The following CPNE8 variants were observed in gnomAD, a reference collection of about 807,000 sequenced individuals.
CPNE8 encodes copine 8.
Under a neutral mutation model 81.5 loss-of-function variants are expected in CPNE8, and 45 were observed. That is an observed-to-expected ratio of 0.55 (90% CI 0.44 to 0.71). The LOEUF is 0.71. Ranked by LOEUF, CPNE8 falls within the 30% of genes least tolerant of loss-of-function variation. CPNE8 has a pLI of 0.00. For synonymous variants in CPNE8, 252 were observed against 226.3 expected, an observed-to-expected ratio of 1.11 and a Z score of -1.02; for missense variants, 594 against 672.1, an observed-to-expected ratio of 0.88 and a Z score of 1.28.
At chr12:38,767,607 A>G (rs778220683) in intron 8 of CPNE8, 28 bp downstream of exon 8, 2 of 1,280,484 alleles carry the variant, frequency 1.6e-6, no homozygotes, top group Non-Finnish European at 2.2e-6. Context: ...ATTACCATAT[A>G]GTTGAAATGC....
At chr12:38,808,864 A>G (rs1418924057) in intron 6 of CPNE8, among the ~76,000 whole-genome samples, 1 of 152,074 alleles carries the variant, frequency 6.6e-6, no homozygotes, top group Non-Finnish European at 1.5e-5. Flanking sequence ...ATAAACAAAT[A>G]TTTTATAGAA....
intron 10 of CPNE8, among the ~76,000 whole-genome samples, chr12:38,752,455 G>C (rs1052290549): frequency 6.6e-6 from 1 of 152,062 alleles, no homozygotes; most frequent in African/African-American, 2.4e-5. Context: ...TGGACTCCCT[G>C]GGCCACCCCA....
At chr12:38,837,429 C>T (rs1018833850) in intron 5 of CPNE8, among the ~76,000 whole-genome samples, 3 of 152,090 alleles carry the variant, frequency 2.0e-5, no homozygotes, top group East Asian at 1.9e-4. Flanking sequence ...GCAATTGAAA[C>T]TTGCATTTGC....
chr12:38,808,729 T>C (rs1248261712), intron 6 of CPNE8, among the ~76,000 whole-genome samples: 2 of 151,392 alleles, frequency 1.3e-5, no homozygotes, highest in African/African-American at 4.9e-5. Context: ...ATTGTGCACA[T>C]GTACCCTAAA....
chr12:38,891,983 A>G (rs1361404851), intron 1 of CPNE8, among the ~76,000 whole-genome samples: 1 of 152,238 alleles, frequency 6.6e-6, no homozygotes, highest in Non-Finnish European at 1.5e-5. Flanking sequence ...TCAAAATAAA[A>G]CAAAAAGAAT....
chr12:38,699,946 T>C (rs992368352), intron 14 of CPNE8, among the ~76,000 whole-genome samples: 1 of 152,174 alleles, frequency 6.6e-6, no homozygotes, highest in Non-Finnish European at 1.5e-5. Flanking sequence ...ACTTATTTAT[T>C]GGTTATAGTA....
chr12:38,783,275 T>A (rs1270788487), intron 6 of CPNE8, among the ~76,000 whole-genome samples: 1 of 152,106 alleles, frequency 6.6e-6, no homozygotes, highest in African/African-American at 2.4e-5. Context: ...TTAACAACTA[T>A]CTATACACAC....
Position 38,659,614 on chromosome 12 carries a change from G to A in CPNE8, c.1507-5544C>T, listed in dbSNP as rs143233902. ...TACACATTCTTCTCAGCACCACATC[G>A]CACGTATTCCAAAATTGACCACAGA... On this transcript the variant is annotated intron_variant, in intron 19 of 19. Transcript: ENST00000331366. 8.4e-3 allele frequency among the ~76,000 whole-genome samples: 1,280 copies of A among 152,138 alleles called. 14 individuals carry two copies. Among genetic ancestry groups the A allele is most frequent in the African/African-American group, 0.022 (930 of 41,502 alleles).
chr12:38,798,811 A>G (rs956415335), intron 6 of CPNE8, among the ~76,000 whole-genome samples: 18 of 152,304 alleles, frequency 1.2e-4, no homozygotes, highest in Admixed American at 5.9e-4. Flanking sequence ...CCTATCTCAC[A>G]TGCAGAGACA....
rs1941125915 is a variant in CPNE8, at chr12:38,742,297, G to A, written c.723-11939C>T. 2.6e-5 allele frequency among the ~76,000 whole-genome samples: 4 copies of A among 152,100 alleles called. No homozygotes were observed. In the South Asian group the frequency reaches 8.3e-4, roughly 32 times the overall value. On this transcript the variant is annotated intron_variant, in intron 10 of 19. Coordinates refer to ENST00000331366, the MANE Select transcript of CPNE8 (RefSeq NM_153634.3). The stretch of plus-strand genomic sequence containing the variant: ...CCAACCCAAATGTCCATCAATGATA[G>A]ACTGGATTAAGAAAATGTGGCACAT...
chr12:38,752,471 C>T (rs1302896461), intron 10 of CPNE8, among the ~76,000 whole-genome samples: 1 of 152,156 alleles, frequency 6.6e-6, no homozygotes, highest in African/African-American at 2.4e-5. Flanking sequence ...CCCCATAATT[C>T]AGCAATTAAA....
At chr12:38,702,950 A>G (rs1485554620) in intron 13 of CPNE8, 29 bp from the exon 14 acceptor site, 2 of 1,431,496 alleles carry the variant, frequency 1.4e-6, no homozygotes, top group Non-Finnish European at 1.9e-6. Context: ...AGACTCATTA[A>G]TAATGAAATA....
chr12:38,898,399 G>A (rs1400678557), intron 1 of CPNE8, among the ~76,000 whole-genome samples: 2 of 151,962 alleles, frequency 1.3e-5, no homozygotes, highest in Non-Finnish European at 2.9e-5. Flanking sequence ...TGAAACTCTG[G>A]GGCTAAGACA....
intron 9 of CPNE8, among the ~76,000 whole-genome samples, chr12:38,761,636 C>A (rs1055739579): frequency 6.6e-6 from 1 of 152,078 alleles, no homozygotes; most frequent in Admixed American, 6.6e-5. Flanking sequence ...TATAATCATA[C>A]AATAAAGTTT....
rs1040702668 is a variant in CPNE8 at position 38,728,467 on chromosome 12, G to A, written c.798+1816C>T. Among the ~76,000 whole-genome samples, 8 of 152,216 alleles carry A rather than the reference G, an allele frequency of 5.3e-5. No individual in the cohort carries two copies. The East Asian group carries it at 5.8e-4, about 11-fold the overall frequency. ...AATGAAAAATTCACCAGAAGGGTTC[G>A]ACGGAACATTTGAGCTGGCAGAAGA... On this transcript the variant is annotated intron_variant, in intron 11 of 19. Coordinates refer to ENST00000331366, the MANE Select transcript of CPNE8 (RefSeq NM_153634.3).
At position 38,739,202 on chromosome 12, in the gene CPNE8, T is replaced by C. The variant is rs182227944; in HGVS notation, c.723-8844A>G. On this transcript the variant is annotated intron_variant, in intron 10 of 19. Transcript: ENST00000331366. ...AATGTCTTATATGGTTTTTGAAGAG[T>C]GTTACTTTATGAAAATGGTTTTAAC... Among the ~76,000 whole-genome samples the C allele has an allele frequency of 5.9e-3, 895 of 152,264 alleles. 5 individuals carry two copies. Among genetic ancestry groups the C allele is most frequent in the Middle Eastern group, 0.01 (3 of 294 alleles).
At chr12:38,741,277 A>C (rs201795990) in intron 10 of CPNE8, among the ~76,000 whole-genome samples, 5 of 150,304 alleles carry the variant, frequency 3.3e-5, no homozygotes, top group African/African-American at 7.3e-5. Context: ...CCTGACTTCA[A>C]ACTATACTAC....
intron 1 of CPNE8, among the ~76,000 whole-genome samples, chr12:38,892,700 C>G (rs1272951683): frequency 6.6e-6 from 1 of 152,174 alleles, no homozygotes; most frequent in East Asian, 1.9e-4. Context: ...GACAACTGAT[C>G]AGAGGAAGCA....
intron 4 of CPNE8, among the ~76,000 whole-genome samples, chr12:38,841,103 A>G (rs765963732): frequency 2.6e-5 from 4 of 152,212 alleles, no homozygotes; most frequent in African/African-American, 4.8e-5. Context: ...GATGCTAGGC[A>G]GAGGGTCCAT....
Sources: allele counts gnomAD v4.1 joint callset (sites outside exome capture counted in the v4.1 genomes callset), GRCh38; gene constraint gnomAD v4.1.1; transcripts MANE v1.5; gene names NCBI Gene and HGNC (gene_info 2026-07-23, HGNC 2026-07-21).